The following ADGRL4 variants were observed in gnomAD, a reference collection of about 807,000 sequenced individuals.
The protein encoded by ADGRL4 is adhesion G protein-coupled receptor L4.
In ADGRL4, 90 loss-of-function variants were observed where a neutral mutation model predicts 74.8. That is an observed-to-expected ratio of 1.20 (90% confidence interval 1.02 to 1.43). The LOEUF (loss-of-function observed/expected upper bound fraction) is 1.43. Ranked by LOEUF, ADGRL4 falls within the 40% of genes most tolerant of loss-of-function variation. ADGRL4 has a pLI of 0.00. For missense variants in ADGRL4, 881 were observed against 814.3 expected, an observed-to-expected ratio of 1.08 and a Z score of -1.00; for synonymous variants, 311 against 279.2, an observed-to-expected ratio of 1.11 and a Z score of -1.14.
chr1:78,935,683 T>C (rs1357830842), intron 7 of ADGRL4, among the ~76,000 whole-genome samples: 1 of 152,142 alleles, frequency 6.6e-6, no homozygotes, highest in East Asian at 1.9e-4. Flanking sequence ...TAAGGAGTAG[T>C]AAAATCAGAG....
intron 2 of ADGRL4, among the ~76,000 whole-genome samples, chr1:78,993,759 G>A (rs1328369399): frequency 5.3e-5 from 8 of 151,890 alleles, no homozygotes; most frequent in Admixed American, 4.6e-4. Flanking sequence ...TTTTTTAGTA[G>A]AGACGGGGTT....
intron 3 of ADGRL4, among the ~76,000 whole-genome samples, chr1:78,940,376 A>C (rs1424463018): frequency 2.6e-5 from 4 of 152,120 alleles, no homozygotes; most frequent in Non-Finnish European, 5.9e-5. Context: ...AATCATCATA[A>C]ATAAAGTAAT....
intron 2 of ADGRL4, among the ~76,000 whole-genome samples, chr1:78,974,726 G>A (rs1650243310): frequency 6.6e-6 from 1 of 152,074 alleles, no homozygotes; most frequent in South Asian, 2.1e-4. Context: ...TTAGCTCATG[G>A]CCTTCCACTT....
chr1:79,003,957 T>G (rs1387605537), intron 2 of ADGRL4, among the ~76,000 whole-genome samples: 1 of 152,008 alleles, frequency 6.6e-6, no homozygotes, highest in Non-Finnish European at 1.5e-5. Context: ...GCGCCTGATT[T>G]AATGCACCAT....
chr1:78,958,821 C>T (rs1032551567), intron 2 of ADGRL4, among the ~76,000 whole-genome samples: 10 of 152,114 alleles, frequency 6.6e-5, no homozygotes, highest in African/African-American at 1.9e-4. Flanking sequence ...GCATTGCATG[C>T]TACAGGGAAA....
chr1:78,979,167 T>C lies in ADGRL4; in HGVS notation c.172+25903A>G, dbSNP rs575708550. Among the ~76,000 whole-genome samples, 4 of 152,064 alleles carry C rather than the reference T, an allele frequency of 2.6e-5. No individual in the cohort carries two copies. In the East Asian group the frequency reaches 5.8e-4, roughly 22 times the overall value. ...AAATGGTGAACCTAACCTTCAAAAA[T>C]AAACATTGTTTACGCAGTCATGAGA... On this transcript the variant is annotated intron_variant, in intron 2 of 14. Coordinates refer to ENST00000370742, the MANE Select transcript of ADGRL4 (RefSeq NM_022159.4).
chr1:78,905,179 G>T (rs1648609354), intron 12 of ADGRL4, among the ~76,000 whole-genome samples: 1 of 151,902 alleles, frequency 6.6e-6, no homozygotes, highest in African/African-American at 2.4e-5. Flanking sequence ...TTACTGAAAT[G>T]GATATAATTC....
At chr1:79,000,193 T>C (rs2100742187) in intron 2 of ADGRL4, among the ~76,000 whole-genome samples, 1 of 152,274 alleles carries the variant, frequency 6.6e-6, no homozygotes, top group East Asian at 1.9e-4. Context: ...ATGAGGCTTC[T>C]ACTTGAACAA....
chr1:78,949,214 A>G (rs1001707426), intron 2 of ADGRL4, among the ~76,000 whole-genome samples: 1 of 152,102 alleles, frequency 6.6e-6, no homozygotes, highest in African/African-American at 2.4e-5. Flanking sequence ...GAACCACTTT[A>G]TATCACCTAA....
At chr1:78,891,392 C>A (rs2100647006) in intron 14 of ADGRL4, 132 bp downstream of exon 14, 3 of 1,223,650 alleles carry the variant, frequency 2.5e-6, no homozygotes, top group Middle Eastern at 2.5e-4. Context: ...AGCATATTTT[C>A]CTATGAACAG....
chr1:78,912,415 A>G (rs917909445), intron 12 of ADGRL4, among the ~76,000 whole-genome samples: 3 of 151,768 alleles, frequency 2.0e-5, no homozygotes, highest in Admixed American at 2.0e-4. Context: ...CCAGGCCATG[A>G]ACCAGTACTG....
At chr1:79,003,260 TA>T (rs1006021602) in intron 2 of ADGRL4, among the ~76,000 whole-genome samples, 1 of 151,744 alleles carries the variant, frequency 6.6e-6, no homozygotes, top group Non-Finnish European at 1.5e-5. Flanking sequence ...CTATCCTGAC[TA>T]AAAAAAGGTT....
At chr1:78,962,649 A>G (rs1649978620) in intron 2 of ADGRL4, among the ~76,000 whole-genome samples, 1 of 152,206 alleles carries the variant, frequency 6.6e-6, no homozygotes, top group Non-Finnish European at 1.5e-5. Context: ...TCAAAAATAT[A>G]GTGAAATATC....
At chr1:78,998,396 A>T (rs1650766214) in intron 2 of ADGRL4, among the ~76,000 whole-genome samples, 2 of 103,990 alleles carry the variant, frequency 1.9e-5, no homozygotes, top group South Asian at 3.3e-4. Flanking sequence ...TTTGAGACAG[A>T]GTCTTGCTCT....
chr1:78,905,960 T>TA (rs1488922111), intron 12 of ADGRL4, among the ~76,000 whole-genome samples: 6 of 151,924 alleles, frequency 3.9e-5, no homozygotes, highest in Non-Finnish European at 8.8e-5. Flanking sequence ...AACTAAGAAA[T>TA]ATAGCTCAAA....
intron 7 of ADGRL4, among the ~76,000 whole-genome samples, chr1:78,934,756 A>T (rs1259545910): frequency 6.6e-6 from 1 of 152,202 alleles, no homozygotes; most frequent in Non-Finnish European, 1.5e-5. Context: ...ATATGGACAG[A>T]CACTTCTCAA....
chr1:78,903,728 G>A (rs1261124770), intron 12 of ADGRL4, among the ~76,000 whole-genome samples: 1 of 151,984 alleles, frequency 6.6e-6, no homozygotes, highest in African/African-American at 2.4e-5. Flanking sequence ...GAGGTCAAGA[G>A]ATTGAGACCA....
intron 2 of ADGRL4, among the ~76,000 whole-genome samples, chr1:78,961,235 T>A (rs1649945588): frequency 6.6e-6 from 1 of 151,878 alleles, no homozygotes; most frequent in Admixed American, 6.6e-5. Context: ...CTCTGACTCA[T>A]GGGTTCAAGC....
At chr1:78,894,412 T>C (rs933340478) in intron 12 of ADGRL4, among the ~76,000 whole-genome samples, 1 of 151,820 alleles carries the variant, frequency 6.6e-6, no homozygotes, top group Non-Finnish European at 1.5e-5. Flanking sequence ...TAATCCTAAT[T>C]ATAGTAATGC....
Sources: gnomAD v4.1 joint callset for allele counts (sites outside exome capture counted in the v4.1 genomes callset) on GRCh38, gnomAD v4.1.1 for gene constraint, MANE v1.5 for transcripts, NCBI Gene and HGNC (gene_info 2026-07-23, HGNC 2026-07-21) for gene names.